Variants in CDH12 observed in about 807,000 individuals in gnomAD.
The protein encoded by CDH12 is cadherin-12.
In CDH12, 41 loss-of-function variants were observed where a neutral mutation model predicts 74.1. The ratio of observed to expected loss-of-function variants is 0.55; its 90% CI spans 0.43 to 0.72. The LOEUF is 0.72. Ranked by LOEUF, CDH12 falls within the 30% of genes least tolerant of loss-of-function variation. CDH12 has a pLI of 0.00. For synonymous variants in CDH12, 399 were observed against 355.0 expected, an observed-to-expected ratio of 1.12 and a Z score of -1.39; for missense variants, 945 against 977.2, an observed-to-expected ratio of 0.97 and a Z score of 0.44.
At chr5:22,096,093 C>T (rs181352283) in intron 4 of CDH12, among the ~76,000 whole-genome samples, 281 of 151,984 alleles carry the variant, frequency 1.8e-3, no homozygotes, top group African/African-American at 6.5e-3. Flanking sequence ...TCACTATGGG[C>T]AACCCTTCAT....
chr5:22,720,865 C>T (rs1743847058), intron 1 of CDH12, among the ~76,000 whole-genome samples: 1 of 152,110 alleles, frequency 6.6e-6, no homozygotes, highest in Admixed American at 6.5e-5. Flanking sequence ...ATCTGCGGAA[C>T]TTTGAACTTG....
intron 2 of CDH12, among the ~76,000 whole-genome samples, chr5:22,453,559 T>C (rs936293517): frequency 6.6e-6 from 1 of 152,090 alleles, no homozygotes; most frequent in Non-Finnish European, 1.5e-5. Flanking sequence ...GAGCATTAAA[T>C]AGTGGTTACC....
At chr5:21,846,854 G>A (rs892353292) in intron 7 of CDH12, among the ~76,000 whole-genome samples, 42 of 152,090 alleles carry the variant, frequency 2.8e-4, no homozygotes, top group Admixed American at 2.6e-4. Flanking sequence ...AGAAGAAAAT[G>A]GTTTTTTGTA....
rs140410334 is a variant in CDH12, at chr5:21,786,431, C to T, written c.1257-2937G>A. 5.3e-3 allele frequency among the ~76,000 whole-genome samples: 812 copies of T among 152,080 alleles called. 5 individuals carry two copies. The highest frequency in any genetic ancestry group is 0.018 in the African/African-American group (755 of 41,524). ...CCTCCCAAAGTGCTGAGATTACAGG[C>T]GTGAGCCACCACACCCAGCTGGTTT... On this transcript the variant is annotated intron_variant, in intron 10 of 14. Coordinates refer to ENST00000382254, the MANE Select transcript of CDH12 (RefSeq NM_004061.5).
At chr5:21,824,825 C>T (rs773716964) in intron 8 of CDH12, among the ~76,000 whole-genome samples, 1 of 152,080 alleles carries the variant, frequency 6.6e-6, no homozygotes, top group Non-Finnish European at 1.5e-5. Flanking sequence ...AATTTTCCCT[C>T]TACTTCACAC....
intron 3 of CDH12, among the ~76,000 whole-genome samples, chr5:22,227,582 G>T (rs1424137153): frequency 6.6e-6 from 1 of 152,130 alleles, no homozygotes; most frequent in East Asian, 1.9e-4. Context: ...GATCCCTTGA[G>T]AAAATTATCT....
chr5:21,880,608 CTTCCTTCCTTCTTTCT>C (rs1752245828), intron 6 of CDH12, among the ~76,000 whole-genome samples: 11 of 65,728 alleles, frequency 1.7e-4, no homozygotes, highest in African/African-American at 3.2e-4. Flanking sequence ...TCCTTCCTTC[CTTCCTTCCTTCTTTCT>C]TTCTTTCTTT....
At chr5:22,522,012 A>G (rs1419480814) in intron 1 of CDH12, among the ~76,000 whole-genome samples, 1 of 152,158 alleles carries the variant, frequency 6.6e-6, no homozygotes, top group Non-Finnish European at 1.5e-5. Context: ...GCAATAATTA[A>G]TGTGGTATGT....
chr5:21,880,616 C>CTTCCTTCTTTCTTTCTCTTTCTTTCT (rs758455941), intron 6 of CDH12, among the ~76,000 whole-genome samples: 1 of 50,810 alleles, frequency 2.0e-5, no homozygotes, highest in African/African-American at 8.8e-5. Flanking sequence ...TCCTTCCTTC[C>CTTCCTTCTTTCTTTCTCTTTCTTTCT]TTCTTTCTTT....
intron 1 of CDH12, among the ~76,000 whole-genome samples, chr5:22,588,551 G>A (rs930986198): frequency 2.6e-5 from 4 of 152,118 alleles, no homozygotes; most frequent in African/African-American, 9.7e-5. Flanking sequence ...GTTGCAACAT[G>A]AGTAATATCC....
intron 1 of CDH12, among the ~76,000 whole-genome samples, chr5:22,844,349 C>T (rs1434715235): frequency 6.6e-6 from 1 of 152,036 alleles, no homozygotes; most frequent in African/African-American, 2.4e-5. Context: ...ACTTAGCACA[C>T]TCCAAATCAA....
chr5:22,048,833 A>G (rs1388787616), intron 5 of CDH12, among the ~76,000 whole-genome samples: 1 of 152,142 alleles, frequency 6.6e-6, no homozygotes, highest in East Asian at 1.9e-4. Context: ...TAGTAATAAC[A>G]TTCTACAAAT....
intron 6 of CDH12, among the ~76,000 whole-genome samples, chr5:21,921,272 G>A (rs145510954): frequency 7.9e-5 from 12 of 152,276 alleles, no homozygotes; most frequent in African/African-American, 2.6e-4. Flanking sequence ...CATAAATGAG[G>A]TCAATGTATT....
intron 2 of CDH12, among the ~76,000 whole-genome samples, chr5:22,454,235 C>T (rs1745177484): frequency 6.6e-6 from 1 of 152,080 alleles, no homozygotes; most frequent in African/African-American, 2.4e-5. Flanking sequence ...TAAAATGAAA[C>T]ATAATTTCTA....
chr5:22,710,552 C>A, intron 1 of CDH12, among the ~76,000 whole-genome samples: 1 of 152,168 alleles, frequency 6.6e-6, no homozygotes, highest in South Asian at 2.1e-4. Context: ...ATCTCAGCCT[C>A]CTGAGGGTAA....
At chr5:21,904,291 C>T (rs7445447) in intron 6 of CDH12, among the ~76,000 whole-genome samples, 111,306 of 151,942 alleles carry the variant, frequency 0.73, 43,330 homozygotes, top group Non-Finnish European at 0.86. Flanking sequence ...TCCACCAAAA[C>T]GAGGAAGTGA....
At chr5:22,641,929 G>T (rs1262785803) in intron 1 of CDH12, among the ~76,000 whole-genome samples, 1 of 152,078 alleles carries the variant, frequency 6.6e-6, no homozygotes, top group Non-Finnish European at 1.5e-5. Context: ...TGTTTATATA[G>T]CAATTTCCCC....
At chr5:22,319,797 T>C (rs1738789440) in intron 3 of CDH12, among the ~76,000 whole-genome samples, 2 of 149,834 alleles carry the variant, frequency 1.3e-5, no homozygotes, top group South Asian at 4.2e-4. Flanking sequence ...GAGTGAGTGA[T>C]GGAAGTGGGA....
chr5:22,378,527 G>A (rs1223274310), intron 3 of CDH12, among the ~76,000 whole-genome samples: 1 of 151,940 alleles, frequency 6.6e-6, no homozygotes, highest in East Asian at 1.9e-4. Context: ...TGGTTCAGAT[G>A]AATATAAAAG....
Sources: gnomAD v4.1 joint callset for allele counts (sites outside exome capture counted in the v4.1 genomes callset) on GRCh38, gnomAD v4.1.1 for gene constraint, MANE v1.5 for transcripts, NCBI Gene and HGNC (gene_info 2026-07-23, HGNC 2026-07-21) for gene names.